STXBP5L: variants seen among roughly 807,000 people sequenced by gnomAD.
STXBP5L encodes the protein syntaxin binding protein 5L, also known as syntaxin-binding protein 5-like.
Under a neutral mutation model 144.5 loss-of-function variants are expected in STXBP5L, and 65 were observed. That is an observed-to-expected ratio of 0.45 (90% confidence interval 0.37 to 0.55). The LOEUF is 0.55. STXBP5L is among the 20% of genes least tolerant of loss of function. STXBP5L has a pLI of 0.00. For missense variants in STXBP5L, 1,298 were observed against 1,405.5 expected (o/e 0.92, Z 1.22); for synonymous variants, 505 against 469.6 (o/e 1.08, Z -0.97).
chr3:121,348,363 A>G (rs1261304057), intron 20 of STXBP5L, among the ~76,000 whole-genome samples: 2 of 152,064 alleles, frequency 1.3e-5, no homozygotes, highest in Non-Finnish European at 2.9e-5. Context: ...GTTTGCCAGT[A>G]TTTTATTGAG....
intron 3 of STXBP5L, among the ~76,000 whole-genome samples, chr3:120,993,112 C>T (rs1030054294): frequency 2.6e-5 from 4 of 152,076 alleles, no homozygotes; most frequent in African/African-American, 9.7e-5. Flanking sequence ...TGAGAAATGT[C>T]TGCCCTGGTC....
intron 2 of STXBP5L, among the ~76,000 whole-genome samples, chr3:120,936,003 T>G (rs2107635677): frequency 6.6e-6 from 1 of 152,292 alleles, no homozygotes; most frequent in South Asian, 2.1e-4. Context: ...TATGTGTATT[T>G]ACATTTTTTG....
chr3:121,339,091 A>G (rs1041652467), intron 20 of STXBP5L, among the ~76,000 whole-genome samples: 1 of 152,052 alleles, frequency 6.6e-6, no homozygotes, highest in Non-Finnish European at 1.5e-5. Context: ...AAGGGCATAC[A>G]AAACAAAACA....
At chr3:121,209,740 T>G (rs527446486) in intron 10 of STXBP5L, among the ~76,000 whole-genome samples, 57 of 152,240 alleles carry the variant, frequency 3.7e-4, no homozygotes, top group Non-Finnish European at 7.1e-4. Flanking sequence ...GCTTCATCCA[T>G]GTCCCTACAA....
At chr3:120,960,759 G>T (rs1045433356) in intron 3 of STXBP5L, among the ~76,000 whole-genome samples, 50 of 151,858 alleles carry the variant, frequency 3.3e-4, no homozygotes, top group African/African-American at 1.2e-3. Flanking sequence ...GGGGCCTGTT[G>T]TGGGGTGGGG....
rs373293049 is a variant in STXBP5L at position 121,220,152 on chromosome 3, G to A, written c.957-2851G>A. Among the ~76,000 whole-genome samples the A allele has an allele frequency of 2.0e-5, 3 of 151,944 alleles. No homozygotes were observed. The East Asian group carries it at 5.8e-4, about 29-fold the overall frequency. ...CTCCTCTCCCCAACTCCTAACCCTT[G>A]GCAACCACTGATTTGTTCTCCATCA... On this transcript the variant is annotated intron_variant, in intron 10 of 26. Coordinates refer to ENST00000471454, the MANE Select transcript of STXBP5L (RefSeq NM_001308330.2).
intron 16 of STXBP5L, among the ~76,000 whole-genome samples, chr3:121,256,479 G>A (rs1327051997): frequency 6.6e-6 from 1 of 151,672 alleles, no homozygotes; most frequent in Non-Finnish European, 1.5e-5. Flanking sequence ...GTTTAATAAA[G>A]GTTTTTAGGT....
At chr3:121,370,402 A>C (rs1310437441) in intron 20 of STXBP5L, among the ~76,000 whole-genome samples, 1 of 152,106 alleles carries the variant, frequency 6.6e-6, no homozygotes, top group South Asian at 2.1e-4. Context: ...CATTCCTCCT[A>C]TGTGAAGATG....
chr3:121,046,925 A>G (rs1040601851), intron 5 of STXBP5L, among the ~76,000 whole-genome samples: 9 of 151,934 alleles, frequency 5.9e-5, no homozygotes, highest in Admixed American at 5.9e-4. Context: ...TTGTTTCTCT[A>G]GTTCCTCTAG....
intron 2 of STXBP5L, among the ~76,000 whole-genome samples, chr3:120,950,598 A>G (rs1447572953): frequency 1.3e-5 from 2 of 152,132 alleles, no homozygotes; most frequent in African/African-American, 2.4e-5. Context: ...GGTTAGTTAC[A>G]TATGTATACA....
chr3:121,158,389 T>C (rs1186110154), intron 9 of STXBP5L: 2 of 152,180 alleles, frequency 1.3e-5, no homozygotes, highest in African/African-American at 4.8e-5. Context: ...CGTTATCATG[T>C]CACATTTGGA....
chr3:121,216,091 C>G (rs143872428), intron 10 of STXBP5L, among the ~76,000 whole-genome samples: 4 of 152,306 alleles, frequency 2.6e-5, no homozygotes, highest in African/African-American at 9.6e-5. Context: ...AGTAGTTCCT[C>G]TAACCTTTTT....
intron 5 of STXBP5L, among the ~76,000 whole-genome samples, chr3:121,081,059 CT>C (rs570912352): frequency 2.0e-5 from 3 of 150,366 alleles, no homozygotes; most frequent in African/African-American, 4.9e-5. Flanking sequence ...TTTTTTAATT[CT>C]TTTTTTTTCA....
intron 20 of STXBP5L, among the ~76,000 whole-genome samples, chr3:121,347,697 G>A (rs1372256437): frequency 6.6e-6 from 1 of 152,020 alleles, no homozygotes; most frequent in Non-Finnish European, 1.5e-5. Context: ...GGATTCCTAG[G>A]TATTTTATTC....
intron 5 of STXBP5L, among the ~76,000 whole-genome samples, chr3:121,047,925 T>C (rs970982378): frequency 1.4e-4 from 22 of 152,082 alleles, no homozygotes; most frequent in Non-Finnish European, 2.8e-4. Flanking sequence ...CTTGTTTGTG[T>C]GGTTGCTTTA....
At chr3:121,173,231 T>G (rs985958377) in intron 9 of STXBP5L, among the ~76,000 whole-genome samples, 2 of 151,784 alleles carry the variant, frequency 1.3e-5, no homozygotes, top group Non-Finnish European at 2.9e-5. Flanking sequence ...CTAAGGTAGA[T>G]CACAGGTTAA....
At chr3:121,107,862 A>G (rs138835551) in intron 5 of STXBP5L, among the ~76,000 whole-genome samples, 21 of 151,994 alleles carry the variant, frequency 1.4e-4, no homozygotes, top group African/African-American at 4.8e-4. Flanking sequence ...TGTTTTTTCC[A>G]TTTGCTTATG....
chr3:121,368,967 C>T (rs1483942149), intron 20 of STXBP5L, among the ~76,000 whole-genome samples: 1 of 152,128 alleles, frequency 6.6e-6, no homozygotes, highest in African/African-American at 2.4e-5. Flanking sequence ...ACAATGGCTG[C>T]CCAGTTCTTT....
chr3:121,154,402 A>T (rs1398904954), intron 8 of STXBP5L, among the ~76,000 whole-genome samples: 1 of 151,788 alleles, frequency 6.6e-6, no homozygotes. Flanking sequence ...TACTACACAC[A>T]GTGACCTCTT....
Sources: allele counts gnomAD v4.1 joint callset (sites outside exome capture counted in the v4.1 genomes callset), GRCh38; gene constraint gnomAD v4.1.1; transcripts MANE v1.5; gene names NCBI Gene and HGNC (gene_info 2026-07-23, HGNC 2026-07-21).